Variants in ARHGEF10 observed in about 807,000 individuals in gnomAD.
ARHGEF10 encodes the protein Rho guanine nucleotide exchange factor (GEF) 10.
A neutral mutation model predicts 147.4 loss-of-function variants in ARHGEF10; 140 were observed. The ratio of observed to expected loss-of-function variants is 0.95; its 90% CI spans 0.83 to 1.09. The LOEUF (loss-of-function observed/expected upper bound fraction) is 1.09. Among genes scored for constraint, ARHGEF10 ranks in the 50% least tolerant of loss-of-function variants. The probability of loss-of-function intolerance (pLI) is 0.00; values close to 1 mark genes in which losing one functional copy is unlikely to be tolerated. For synonymous variants in ARHGEF10, 902 were observed against 695.8 expected, an observed-to-expected ratio of 1.30 and a Z score of -4.67; for missense variants, 2,222 against 1,752.7, an observed-to-expected ratio of 1.27 and a Z score of -4.78.
At chr8:1,855,950 G>T (rs1388479991) in intron 2 of ARHGEF10, among the ~76,000 whole-genome samples, 1 of 151,176 alleles carries the variant, frequency 6.6e-6, no homozygotes, top group Non-Finnish European at 1.5e-5. Context: ...AATAGGTTTT[G>T]TTTACGGTCG....
intron 6 of ARHGEF10, 80 bp from the exon 7 acceptor site, chr8:1,869,114 G>C (rs1219790004): frequency 2.9e-5 from 37 of 1,257,848 alleles, no homozygotes; most frequent in Non-Finnish European, 4.2e-5. Flanking sequence ...GACATCATCG[G>C]CGACTGTGGC....
chr8:1,875,906 G>A (rs1807657288), intron 7 of ARHGEF10: 1 of 153,266 alleles, frequency 6.5e-6, no homozygotes, highest in Non-Finnish European at 1.5e-5. Context: ...AAGGCATGGA[G>A]ATTATTTGTA....
chr8:1,928,331 T>TCGC, intron 23 of ARHGEF10, 96 bp from the exon 24 acceptor site: 1 of 1,102,324 alleles, frequency 9.1e-7, no homozygotes, highest in South Asian at 1.2e-5. Context: ...CACATGAAAA[T>TCGC]CGAAGCTTGT....
At chr8:1,872,585 A>G (rs182818405) in intron 7 of ARHGEF10, among the ~76,000 whole-genome samples, 40 of 152,340 alleles carry the variant, frequency 2.6e-4, no homozygotes, top group Admixed American at 1.2e-3. Context: ...AAGCTCTTGT[A>G]ACACGATTTC....
chr8:1,841,033 G>T (rs10105264), intron 1 of ARHGEF10, among the ~76,000 whole-genome samples: 6 of 151,818 alleles, frequency 4.0e-5, no homozygotes, highest in African/African-American at 1.5e-4. Flanking sequence ...TCTCCCGGCC[G>T]GTGGGTGGAA....
intron 2 of ARHGEF10, among the ~76,000 whole-genome samples, chr8:1,844,680 C>T (rs1235192350): frequency 6.6e-6 from 1 of 152,160 alleles, no homozygotes; most frequent in Non-Finnish European, 1.5e-5. Context: ...CGGCCGGTCT[C>T]CTTGCCTTTT....
intron 15 of ARHGEF10, among the ~76,000 whole-genome samples, chr8:1,901,096 G>A (rs1323832719): frequency 1.3e-5 from 2 of 152,150 alleles, no homozygotes; most frequent in Admixed American, 6.5e-5. Flanking sequence ...TGGTGTCTGT[G>A]TCTGGAGTCA....
Position 1,903,338 on chromosome 8 carries a change from C to T in ARHGEF10, c.1708C>T (p.Leu570=). The change falls in exon 16 of 29, where the codon CTG becomes TTG. Residue 570 remains leucine (L), a synonymous_variant. Transcript: ENST00000349830. ...CGACAGGCTGCCTCTTCAGATGGCCCTGACAGAGCTCGAAACACTAGCAGA... is the reference window on the plus strand; with the variant it reads ...CGACAGGCTGCCTCTTCAGATGGCCTTGACAGAGCTCGAAACACTAGCAGA... The part of the protein sequence containing the change: ...HPDRLPLQMA[L]TELETLAEKL... The T allele has an allele frequency of 6.2e-7, 1 of 1,614,114 alleles. No homozygotes were observed. The highest frequency in any genetic ancestry group is 8.5e-7 in the Non-Finnish European group (1 of 1,180,036).
chr8:1,896,446 A>G lies in ARHGEF10; in HGVS notation c.1554A>G (p.Leu518=). 6.2e-7 allele frequency: 1 copy of G among 1,611,026 alleles called. No homozygotes were observed. The highest frequency in any genetic ancestry group is 8.5e-7 in the Non-Finnish European group (1 of 1,177,634). The change falls in exon 14 of 29, where the codon TTA becomes TTG. Residue 518 remains leucine (L), a synonymous_variant. Coordinates refer to ENST00000349830, the MANE Select transcript of ARHGEF10 (RefSeq NM_014629.4). The part of the protein sequence containing the change: ...CATKPAFLEF[L]KQEQEASPDR... ...CAAAGCCCGCTTTTCTTGAATTTTT[A>G]AAGGTAAGCGCTTTTTTTTTTCATT... is the stretch of plus-strand genomic sequence containing the variant.
At chr8:1,840,439 G>A (rs1437081532) in intron 1 of ARHGEF10, among the ~76,000 whole-genome samples, 1 of 142,458 alleles carries the variant, frequency 7.0e-6, no homozygotes, top group African/African-American at 2.6e-5. Context: ...TCCGGTGTGG[G>A]GACTGTCCGG....
At chr8:1,919,344 A>G (rs34023863) in intron 18 of ARHGEF10, among the ~76,000 whole-genome samples, 112,787 of 145,216 alleles carry the variant, frequency 0.78, 43,519 homozygotes, top group East Asian at 0.91. Context: ...TTCTGTGGGT[A>G]ATAAACTGTT....
rs1336940832 is a variant in ARHGEF10 at position 1,943,373 on chromosome 8, G to C, written c.3223-2108G>C. ...GTGCCGCGAGGAGGCCAGATTCAGG[G>C]AGCTCTGCAGGTTGGAGGTGGAGTG... On this transcript the variant is annotated intron_variant, in intron 26 of 28. Transcript: ENST00000349830. Among the ~76,000 whole-genome samples the C allele has an allele frequency of 2.0e-5, 3 of 152,168 alleles. No individual in the cohort carries two copies. In the East Asian group the frequency reaches 5.8e-4, roughly 29 times the overall value.
In ARHGEF10 at chr8:1,948,111, G is replaced by A. The variant is rs1814742962; in HGVS notation, c.3397+2456G>A. The stretch of plus-strand genomic sequence containing the variant: ...TTCAGCTCATAGTTTCCAGGCGGCC[G>A]ATGATGGATCCATCCCAAGCCCACC... On this transcript the variant is annotated intron_variant, in intron 27 of 28. Transcript: ENST00000349830. The surrounding 1 kb of genome is among the most constrained non-coding windows in gnomAD (Gnocchi z 4.9). Among the ~76,000 whole-genome samples, 2 of 152,060 alleles carry A rather than the reference G, an allele frequency of 1.3e-5. No homozygotes were observed. Among genetic ancestry groups the A allele is most frequent in the African/African-American group, 4.8e-5 (2 of 41,420 alleles).
chr8:1,858,066 C>A lies in ARHGEF10; in HGVS notation c.144C>A (p.Ser48=), dbSNP rs376424164. 1 of 1,613,910 alleles carries A rather than the reference C, an allele frequency of 6.2e-7. No homozygotes were observed. Among genetic ancestry groups the A allele is most frequent in the South Asian group, 1.1e-5 (1 of 91,060 alleles). ...EIPEADRQAP[S]APETGGAGAS... is the part of the protein sequence containing the mutation. ...CAGAAGCGGACAGACAGGCCCCATC[C>A]GCCCCTGAGACAGGAGGTGCTGGAG... The change falls in exon 3 of 29, where the codon TCC becomes TCA. Residue 48 remains serine (S), a synonymous_variant. Transcript: ENST00000349830.
intron 2 of ARHGEF10, among the ~76,000 whole-genome samples, chr8:1,847,995 C>A (rs142277186): frequency 4.3e-4 from 65 of 152,310 alleles, no homozygotes; most frequent in African/African-American, 1.3e-3. Context: ...GCTGTCTGCT[C>A]ACGAGGGAAG....
chr8:1,880,451 G>A (rs554357290), intron 9 of ARHGEF10, among the ~76,000 whole-genome samples: 51 of 152,178 alleles, frequency 3.4e-4, no homozygotes, highest in African/African-American at 5.3e-4. Context: ...TTCCAGAAAC[G>A]CACAATGCCA....
intron 1 of ARHGEF10, among the ~76,000 whole-genome samples, chr8:1,833,376 AGGC>A (rs1237587371): frequency 6.7e-6 from 1 of 148,758 alleles, no homozygotes; most frequent in African/African-American, 2.5e-5. Flanking sequence ...GCAGAGACAG[AGGC>A]AGGTGCAGCG....
intron 27 of ARHGEF10, among the ~76,000 whole-genome samples, chr8:1,952,473 A>C (rs1331039132): frequency 3.9e-5 from 6 of 152,198 alleles, no homozygotes; most frequent in Non-Finnish European, 5.9e-5. Context: ...CCAACCAGAC[A>C]TCTGGCCTGT....
At chr8:1,884,938 A>C (rs556969757) in intron 10 of ARHGEF10, among the ~76,000 whole-genome samples, 10 of 151,782 alleles carry the variant, frequency 6.6e-5, no homozygotes, top group African/African-American at 2.4e-4. Flanking sequence ...CTAATTTTTA[A>C]ATTTTTTGTA....
Sources: gnomAD v4.1 joint callset for allele counts (sites outside exome capture counted in the v4.1 genomes callset) on GRCh38, gnomAD v4.1.1 for gene constraint, Gnocchi (gnomAD v3.1) non-coding constraint, MANE v1.5 for transcripts, NCBI Gene and HGNC (gene_info 2026-07-23, HGNC 2026-07-21) for gene names.